Variants in KIAA1217 observed in about 807,000 individuals in gnomAD.
KIAA1217 encodes the protein sickle tail protein homolog.
KIAA1217 carries 88 observed loss-of-function variants against 163.9 expected under a neutral mutation model. The ratio of observed to expected loss-of-function variants is 0.54; its 90% CI spans 0.45 to 0.64. The LOEUF (loss-of-function observed/expected upper bound fraction) is 0.64. Among genes scored for constraint, KIAA1217 ranks in the 30% least tolerant of loss-of-function variants. The pLI is 0.00. For synonymous variants in KIAA1217, 903 were observed against 923.1 expected (o/e 0.98, Z 0.39); for missense variants, 2,372 against 2,475.0 (o/e 0.96, Z 0.88).
chr10:24,139,012 A>T (rs1034579271), intron 2 of KIAA1217, among the ~76,000 whole-genome samples: 3 of 152,168 alleles, frequency 2.0e-5, no homozygotes, highest in African/African-American at 7.2e-5. Context: ...CTTAAAATTG[A>T]TGTGATCACT....
chr10:24,339,771 T>C (rs1235177708), intron 2 of KIAA1217, among the ~76,000 whole-genome samples: 1 of 152,232 alleles, frequency 6.6e-6, no homozygotes, highest in East Asian at 1.9e-4. Context: ...TTTATTATTA[T>C]CCACCATTTA....
chr10:24,359,082 C>CTTTT (rs202024336), intron 2 of KIAA1217, among the ~76,000 whole-genome samples: 120 of 81,500 alleles, frequency 1.5e-3, no homozygotes, highest in Non-Finnish European at 1.6e-3. Flanking sequence ...TTCTTTCTTT[C>CTTTT]TTTTTTTTTT....
chr10:24,476,526 A>C (rs2064060474), intron 6 of KIAA1217, among the ~76,000 whole-genome samples: 1 of 152,222 alleles, frequency 6.6e-6, no homozygotes, highest in African/African-American at 2.4e-5. Context: ...TTCTATTTCC[A>C]GATTAACAAT....
chr10:24,354,675 T>C (rs1008714914), intron 2 of KIAA1217, among the ~76,000 whole-genome samples: 7 of 149,374 alleles, frequency 4.7e-5, no homozygotes, highest in African/African-American at 1.8e-4. Flanking sequence ...CTGAAGCCAA[T>C]CTCCTCTCTC....
intron 2 of KIAA1217, among the ~76,000 whole-genome samples, chr10:24,246,102 C>T (rs948050878): frequency 9.2e-5 from 14 of 152,062 alleles, no homozygotes; most frequent in Non-Finnish European, 1.6e-4. Flanking sequence ...TATTTGCATC[C>T]TTTTTTATGA....
intron 1 of KIAA1217, among the ~76,000 whole-genome samples, chr10:23,724,569 G>A (rs913461120): frequency 6.6e-6 from 1 of 152,138 alleles, no homozygotes; most frequent in Admixed American, 6.6e-5. Context: ...AATGTTAAAA[G>A]ATGGTCAAGA....
intron 1 of KIAA1217, among the ~76,000 whole-genome samples, chr10:23,896,986 G>C (rs1437440332): frequency 2.0e-5 from 3 of 152,000 alleles, no homozygotes; most frequent in Non-Finnish European, 4.4e-5. Flanking sequence ...AACACTTGTG[G>C]TAAATCCAAT....
intron 1 of KIAA1217, among the ~76,000 whole-genome samples, chr10:23,819,654 G>T (rs1837528212): frequency 6.6e-6 from 1 of 152,106 alleles, no homozygotes; most frequent in African/African-American, 2.4e-5. Context: ...AAAAAGTTTT[G>T]CCCATAGACA....
intron 3 of KIAA1217, among the ~76,000 whole-genome samples, chr10:24,390,191 T>C (rs1296557618): frequency 1.3e-5 from 2 of 152,124 alleles, no homozygotes; most frequent in East Asian, 1.9e-4. Context: ...TTTGTAGATA[T>C]TGTAGTGCTG....
In KIAA1217 at chr10:23,695,695, A is replaced by C. The variant is rs1356955551; in HGVS notation, c.-321+461A>C. On this transcript the variant is annotated intron_variant, in intron 1 of 18. Transcript: ENST00000376462. The surrounding 1 kb of genome is among the most constrained non-coding windows in gnomAD (Gnocchi z 4.9). ...GGAAGACAGGGGCAAGGAGAGAGAG[A>C]ACCGGCCCCGAGACGGGCTGGAGGG... Among the ~76,000 whole-genome samples the C allele has an allele frequency of 6.6e-6, 1 of 152,012 alleles. No individual in the cohort carries two copies. The highest frequency in any genetic ancestry group is 1.5e-5 in the Non-Finnish European group (1 of 67,980).
chr10:24,082,422 G>T (rs1340436779), intron 2 of KIAA1217, among the ~76,000 whole-genome samples: 1 of 152,034 alleles, frequency 6.6e-6, no homozygotes, highest in Non-Finnish European at 1.5e-5. Flanking sequence ...ACAGGCCCCA[G>T]TGTGTGTTGT....
At chr10:24,229,350 G>A (rs2071045107) in intron 2 of KIAA1217, among the ~76,000 whole-genome samples, 1 of 152,150 alleles carries the variant, frequency 6.6e-6, no homozygotes, top group Non-Finnish European at 1.5e-5. Flanking sequence ...GTTTAGAAAT[G>A]GAACTAGACT....
rs200578654 is a variant in KIAA1217, at chr10:24,381,007, C to T, written c.493C>T (p.Arg165Trp). Reference sequence around the variant, plus strand: ...TCCAACCCCTTTTTCCAGAGGCAGCCGGACTCGTGCGAGCCTTCCTGTGGT... The same window carrying T: ...TCCAACCCCTTTTTCCAGAGGCAGCTGGACTCGTGCGAGCCTTCCTGTGGT... The part of the protein sequence containing the change: ...DAPTPFSRGS[R>W]TRASLPVVRS... Residue 165 changes from arginine (R) to tryptophan (W), a missense_variant, in exon 3 of 21, where the codon CGG becomes TGG. Arg to Trp is a moderately radical substitution (Grantham distance 101, BLOSUM62 -3). Coordinates refer to ENST00000376454, the MANE Select transcript of KIAA1217 (RefSeq NM_019590.5). 2.1e-5 allele frequency: 33 copies of T among 1,608,318 alleles called. No individual in the cohort carries two copies. The East Asian group carries it at 4.0e-4, about 20-fold the overall frequency.
chr10:23,931,158 C>G (rs1486783857), intron 1 of KIAA1217, among the ~76,000 whole-genome samples: 1 of 152,028 alleles, frequency 6.6e-6, no homozygotes, highest in Non-Finnish European at 1.5e-5. Flanking sequence ...TGGGTTCTTC[C>G]TAGGGGTCAA....
intron 2 of KIAA1217, among the ~76,000 whole-genome samples, chr10:24,051,867 G>C (rs1849540019): frequency 6.6e-6 from 1 of 152,058 alleles, no homozygotes; most frequent in Non-Finnish European, 1.5e-5. Flanking sequence ...TTTTTCAAAT[G>C]CATACTTTGC....
At chr10:24,006,179 A>G (rs114036071) in intron 1 of KIAA1217, among the ~76,000 whole-genome samples, 1,666 of 152,336 alleles carry the variant, frequency 0.011, 17 homozygotes, top group South Asian at 0.039. Context: ...TTTTAAAAGT[A>G]TAATAGCATG....
chr10:23,860,620 A>T (rs1265906600), intron 1 of KIAA1217, among the ~76,000 whole-genome samples: 1 of 152,216 alleles, frequency 6.6e-6, no homozygotes, highest in Non-Finnish European at 1.5e-5. Context: ...ATGCAGTTTT[A>T]AAAAAGCAAA....
At position 23,940,864 on chromosome 10, in the gene KIAA1217, G is replaced by A. The variant is rs1195643475; in HGVS notation, c.-320-66361G>A. Among the ~76,000 whole-genome samples, 9 of 152,324 alleles carry A rather than the reference G, an allele frequency of 5.9e-5. No individual in the cohort carries two copies. In the South Asian group the frequency reaches 1.9e-3, roughly 32 times the overall value. ...TAATCCATCATCAAAGGAGAAATCA[G>A]TGTGTAAATATCTATTTTACAAACT... On this transcript the variant is annotated intron_variant, in intron 1 of 18. Coordinates refer to the KIAA1217 transcript ENST00000376462.
rs530882004 is a variant in KIAA1217 at position 24,054,786 on chromosome 10, T to C, written c.-171+47412T>C. Among the ~76,000 whole-genome samples, 27 of 152,292 alleles carry C rather than the reference T, an allele frequency of 1.8e-4. No individual in the cohort carries two copies. In the East Asian group the frequency reaches 4.8e-3, roughly 27 times the overall value. On this transcript the variant is annotated intron_variant, in intron 2 of 18. Transcript: ENST00000376462. ...GCCTACTGCTCATAGGCTATAAACCTGTACAGCAGATTACTGTACTGAATA... is the reference window on the plus strand; with the variant it reads ...GCCTACTGCTCATAGGCTATAAACCCGTACAGCAGATTACTGTACTGAATA...
Sources: gnomAD v4.1 joint callset for allele counts (sites outside exome capture counted in the v4.1 genomes callset) on GRCh38, gnomAD v4.1.1 for gene constraint, Gnocchi (gnomAD v3.1) non-coding constraint, MANE v1.5 for transcripts, NCBI Gene and HGNC (gene_info 2026-07-23, HGNC 2026-07-21) for gene names.